Variants in CYP2C8 observed in about 807,000 individuals in gnomAD.
CYP2C8 encodes cytochrome P450 family 2 subfamily C member 8.
In CYP2C8, 51 loss-of-function variants were observed where a neutral mutation model predicts 41.3. That is an observed-to-expected ratio of 1.24 (90% CI 0.99 to 1.56). The LOEUF is 1.56. Ranked by LOEUF, CYP2C8 falls within the 40% of genes most tolerant of loss-of-function variation. The probability of loss-of-function intolerance (pLI) is 0.00; values close to 1 mark genes in which losing one functional copy is unlikely to be tolerated. For missense variants in CYP2C8, 651 were observed against 579.9 expected (o/e 1.12, Z -1.26); for synonymous variants, 218 against 205.8 (o/e 1.06, Z -0.51).
chr10:95,065,794 T>C (rs2033548539), intron 3 of CYP2C8, among the ~76,000 whole-genome samples: 1 of 152,162 alleles, frequency 6.6e-6, no homozygotes, highest in Admixed American at 6.6e-5. Context: ...AATTTGACCA[T>C]AAGTTAGGCC....
At chr10:95,058,228 G>C in intron 5 of CYP2C8, 107 bp downstream of exon 5, 1 of 1,494,472 alleles carries the variant, frequency 6.7e-7, no homozygotes, top group Non-Finnish European at 9.2e-7. Flanking sequence ...TGCTTGTCAA[G>C]CATTACTGGC....
In CYP2C8 at chr10:95,050,336, G is replaced by A. The variant is rs2033191637; in HGVS notation, c.820-4385C>T. Among the ~76,000 whole-genome samples the A allele has an allele frequency of 2.6e-5, 4 of 152,134 alleles. No individual in the cohort carries two copies. In the South Asian group the frequency reaches 8.3e-4, roughly 32 times the overall value. On this transcript the variant is annotated intron_variant, in intron 5 of 8. Coordinates refer to ENST00000371270, the MANE Select transcript of CYP2C8 (RefSeq NM_000770.3). Reference sequence around the variant, plus strand: ...GTACCTCTGGACATGCCTGGGTACTGGAAGAATTTGCTTCACTGAAGGGAA... The same window carrying A: ...GTACCTCTGGACATGCCTGGGTACTAGAAGAATTTGCTTCACTGAAGGGAA...
chr10:95,054,708 A>C (rs1488106838), intron 5 of CYP2C8, among the ~76,000 whole-genome samples: 1 of 152,154 alleles, frequency 6.6e-6, no homozygotes, highest in East Asian at 1.9e-4. Flanking sequence ...TTTTCAGCTT[A>C]ATTTTAGGAT....
At chr10:95,064,650 A>C (rs2033519951) in intron 4 of CYP2C8, 150 bp downstream of exon 4, 1 of 779,572 alleles carries the variant, frequency 1.3e-6, no homozygotes, top group Non-Finnish European at 2.0e-6. Flanking sequence ...AATTTTGAAC[A>C]GGAAATCAAA....
intron 4 of CYP2C8, among the ~76,000 whole-genome samples, chr10:95,063,421 T>C (rs1212355687): frequency 6.6e-6 from 1 of 152,260 alleles, no homozygotes; most frequent in Non-Finnish European, 1.5e-5. Flanking sequence ...TTTCTTCCAT[T>C]TGATTGAATC....
intron 5 of CYP2C8, among the ~76,000 whole-genome samples, chr10:95,057,376 T>A (rs2033334759): frequency 6.6e-6 from 1 of 152,202 alleles, no homozygotes. Flanking sequence ...ATATTTAAAA[T>A]GTCATAATTT....
intron 1 of CYP2C8, chr10:95,068,426 ACTTCTTT>A (rs1414469989): frequency 2.5e-6 from 1 of 399,746 alleles, no homozygotes; most frequent in Non-Finnish European, 4.6e-6. Flanking sequence ...CTGACTGATT[ACTTCTTT>A]CTTTCATGCA....
At chr10:95,049,293 A>G (rs746378498) in intron 5 of CYP2C8, among the ~76,000 whole-genome samples, 3 of 152,186 alleles carry the variant, frequency 2.0e-5, no homozygotes, top group Non-Finnish European at 4.4e-5. Flanking sequence ...GTACCTTCAT[A>G]AGAACCAAAA....
Position 95,036,956 on chromosome 10 carries a change from A to C in CYP2C8, c.*172T>G. ...ACAGAGTATGAATAATTGCAGATAT[A>C]TTTGTGCAGTGACCTGAACAACTCT... On this transcript the variant is annotated 3_prime_UTR_variant, in exon 9 of 9. Transcript: ENST00000371270. The C allele has an allele frequency of 1.5e-6, 1 of 685,236 alleles. No homozygotes were observed. Among genetic ancestry groups the C allele is most frequent in the Non-Finnish European group, 2.7e-6 (1 of 374,228 alleles). The allele number at this position is 685,236 out of a possible 1,614,324, so 42.4% of individuals were successfully genotyped here.
chr10:95,043,084 AGACAC>A lies in CYP2C8; in HGVS notation c.962-12_962-8del, dbSNP rs1243336731. On this transcript the variant is annotated splice_region_variant and splice_polypyrimidine_tract_variant and intron_variant, in intron 6 of 8. Coordinates refer to ENST00000371270, the MANE Select transcript of CYP2C8 (RefSeq NM_000770.3). ...ATCTCTTCCTGGACTTTAGCTGACAAGACACAAGAAAGAACTGATGGAAACGAAGA... is the reference window on the plus strand; with the variant it reads ...ATCTCTTCCTGGACTTTAGCTGACAAAAGAAAGAACTGATGGAAACGAAGA... 29 of 1,614,000 alleles carry A rather than the reference AGACAC, an allele frequency of 1.8e-5. No homozygotes were observed. The highest frequency in any genetic ancestry group is 2.5e-5 in the Non-Finnish European group (29 of 1,179,956).
intron 6 of CYP2C8, among the ~76,000 whole-genome samples, chr10:95,044,426 G>T (rs974017950): frequency 6.6e-6 from 1 of 152,116 alleles, no homozygotes; most frequent in African/African-American, 2.4e-5. Context: ...TCCTGTGATG[G>T]ATGTTTTAAT....
chr10:95,041,527 G>A (rs984508309), intron 7 of CYP2C8, among the ~76,000 whole-genome samples: 3 of 152,040 alleles, frequency 2.0e-5, no homozygotes, highest in Admixed American at 2.0e-4. Context: ...CACGCCTGTA[G>A]TCCCAGCACT....
chr10:95,054,671 A>C (rs530848562), intron 5 of CYP2C8, among the ~76,000 whole-genome samples: 19 of 152,222 alleles, frequency 1.2e-4, no homozygotes, highest in African/African-American at 4.3e-4. Flanking sequence ...CATATAACCC[A>C]CAAAAAACAA....
chr10:95,039,101 G>A, intron 7 of CYP2C8, 63 bp from the exon 8 acceptor site: 1 of 1,434,120 alleles, frequency 7.0e-7, no homozygotes, highest in South Asian at 1.1e-5. Context: ...AGAAGTAGTG[G>A]ACATCACGTA....
chr10:95,051,963 A>G (rs1298146653), intron 5 of CYP2C8, among the ~76,000 whole-genome samples: 1 of 152,006 alleles, frequency 6.6e-6, no homozygotes, highest in East Asian at 1.9e-4. Flanking sequence ...AAGAAATAAT[A>G]AACTCAGAGC....
intron 5 of CYP2C8, among the ~76,000 whole-genome samples, chr10:95,052,245 A>T (rs1365231720): frequency 6.6e-6 from 1 of 152,084 alleles, no homozygotes; most frequent in Non-Finnish European, 1.5e-5. Context: ...ACCTACTGAA[A>T]TTGAACCATG....
At chr10:95,044,151 C>T (rs1452079642) in intron 6 of CYP2C8, among the ~76,000 whole-genome samples, 2 of 152,144 alleles carry the variant, frequency 1.3e-5, no homozygotes, top group African/African-American at 4.8e-5. Context: ...TCTCCTGATT[C>T]CTGGCACCCA....
chr10:95,045,719 G>A (rs2134413778), intron 6 of CYP2C8, 91 bp downstream of exon 6: 1 of 1,482,640 alleles, frequency 6.7e-7, no homozygotes. Context: ...TAAAGAATGA[G>A]CCTTCTCTGA....
intron 1 of CYP2C8, 171 bp downstream of exon 1, chr10:95,069,062 CAA>C (rs34026025): frequency 0.05 from 31,157 of 619,694 alleles, no homozygotes; most frequent in South Asian, 0.083. Flanking sequence ...GACTCCGTCT[CAA>C]AAAAAAAAAA....
Sources: gnomAD v4.1 joint callset for allele counts (sites outside exome capture counted in the v4.1 genomes callset) on GRCh38, gnomAD v4.1.1 for gene constraint, MANE v1.5 for transcripts, NCBI Gene and HGNC (gene_info 2026-07-23, HGNC 2026-07-21) for gene names.